DENND5B: variants seen among roughly 807,000 people sequenced by gnomAD.
DENND5B encodes the protein DENN domain containing 5B.
DENND5B carries 34 observed loss-of-function variants against 140.6 expected under a neutral mutation model. That is an observed-to-expected ratio of 0.24 (90% CI 0.18 to 0.32). The LOEUF (loss-of-function observed/expected upper bound fraction) is 0.32, where lower values mean the gene tolerates loss of function less well. DENND5B is among the 10% of genes least tolerant of loss of function. The pLI is 1.00. For synonymous variants in DENND5B, 551 were observed against 562.1 expected (o/e 0.98, Z 0.28); for missense variants, 1,142 against 1,560.2 (o/e 0.73, Z 4.52).
intron 17 of DENND5B, among the ~76,000 whole-genome samples, chr12:31,394,368 T>G (rs1394064476): frequency 1.3e-5 from 2 of 151,174 alleles, no homozygotes; most frequent in Non-Finnish European, 3.0e-5. Flanking sequence ...AAAGTACGAT[T>G]AAAAAAAAAT....
intron 3 of DENND5B, among the ~76,000 whole-genome samples, chr12:31,473,981 T>C (rs1424711347): frequency 2.6e-5 from 4 of 152,190 alleles, no homozygotes; most frequent in Non-Finnish European, 5.9e-5. Flanking sequence ...ACCAGCAAAG[T>C]ACTGTTTGGT....
chr12:31,404,656 A>T (rs1258031621), intron 14 of DENND5B, among the ~76,000 whole-genome samples: 4 of 149,326 alleles, frequency 2.7e-5, no homozygotes, highest in Non-Finnish European at 5.9e-5. Context: ...GTTTTGACAT[A>T]TTGGCCAGGC....
At chr12:31,533,396 T>C (rs977550008) in intron 1 of DENND5B, among the ~76,000 whole-genome samples, 1 of 152,222 alleles carries the variant, frequency 6.6e-6, no homozygotes, top group East Asian at 1.9e-4. Context: ...TTAAAACTTA[T>C]ACTTTATTTT....
At chr12:31,547,066 TTC>T (rs1333581235) in intron 1 of DENND5B, among the ~76,000 whole-genome samples, 4 of 152,348 alleles carry the variant, frequency 2.6e-5, no homozygotes, top group Admixed American at 1.3e-4. Context: ...CCTCTAGAGT[TTC>T]TCTGAGGTCA....
intron 1 of DENND5B, among the ~76,000 whole-genome samples, chr12:31,551,536 G>A (rs146467877): frequency 0.021 from 3,220 of 152,222 alleles, 58 homozygotes; most frequent in South Asian, 0.052. Context: ...GGATTGACTC[G>A]GCGATGCAGG....
intron 1 of DENND5B, among the ~76,000 whole-genome samples, chr12:31,560,250 T>C (rs1949427652): frequency 6.6e-6 from 1 of 152,186 alleles, no homozygotes; most frequent in Non-Finnish European, 1.5e-5. Flanking sequence ...CTCCAACCTA[T>C]GCAACCCATA....
At chr12:31,542,135 A>T (rs1948698548) in intron 1 of DENND5B, among the ~76,000 whole-genome samples, 1 of 152,090 alleles carries the variant, frequency 6.6e-6, no homozygotes, top group Non-Finnish European at 1.5e-5. Context: ...AAAATACAAA[A>T]AAATTAGCTG....
intron 19 of DENND5B, among the ~76,000 whole-genome samples, chr12:31,391,240 T>A (rs956661937): frequency 6.6e-6 from 1 of 152,170 alleles, no homozygotes; most frequent in Non-Finnish European, 1.5e-5. Flanking sequence ...ACTTCCGCCT[T>A]GGGGCTTAGC....
At chr12:31,555,615 C>T (rs1472185191) in intron 1 of DENND5B, among the ~76,000 whole-genome samples, 1 of 152,220 alleles carries the variant, frequency 6.6e-6, no homozygotes, top group Non-Finnish European at 1.5e-5. Flanking sequence ...GTAGAGGTTA[C>T]TGCTGTCTTT....
chr12:31,573,716 T>C (rs1285597703), intron 1 of DENND5B, among the ~76,000 whole-genome samples: 1 of 152,232 alleles, frequency 6.6e-6, no homozygotes, highest in Non-Finnish European at 1.5e-5. Context: ...ATTTGCTGGC[T>C]ATCCCTCTAC....
At chr12:31,451,311 A>T (rs1355940801) in intron 5 of DENND5B, among the ~76,000 whole-genome samples, 1 of 151,992 alleles carries the variant, frequency 6.6e-6, no homozygotes, top group African/African-American at 2.4e-5. Flanking sequence ...AAGAGTTTCT[A>T]TAAATTTTTA....
intron 3 of DENND5B, 98 bp downstream of exon 3, chr12:31,479,491 G>A (rs1945972231): frequency 8.6e-7 from 1 of 1,161,376 alleles, no homozygotes. Context: ...AAAAGACTGT[G>A]ATCATTATTC....
intron 20 of DENND5B, among the ~76,000 whole-genome samples, chr12:31,388,686 G>A (rs764210946): frequency 4.9e-4 from 74 of 152,110 alleles, no homozygotes; most frequent in Non-Finnish European, 8.5e-4. Context: ...TTACAATTCT[G>A]AGATCTGTTT....
intron 1 of DENND5B, among the ~76,000 whole-genome samples, chr12:31,574,523 G>A (rs768307570): frequency 7.9e-5 from 12 of 152,060 alleles, no homozygotes; most frequent in Non-Finnish European, 1.0e-4. Flanking sequence ...CTGGGAGGCG[G>A]AGGTTGCAGT....
At chr12:31,589,133 T>C (rs1461970456) in intron 1 of DENND5B, among the ~76,000 whole-genome samples, 1 of 152,230 alleles carries the variant, frequency 6.6e-6, no homozygotes, top group Non-Finnish European at 1.5e-5. Context: ...TCATTAGTCA[T>C]CACTGACAGA....
intron 1 of DENND5B, among the ~76,000 whole-genome samples, chr12:31,510,685 C>T (rs1947376928): frequency 1.3e-5 from 2 of 152,174 alleles, no homozygotes; most frequent in Admixed American, 1.3e-4. Context: ...CTCTCTTCTG[C>T]AGCAGCTGAG....
chr12:31,570,625 G>T, intron 1 of DENND5B, among the ~76,000 whole-genome samples: 1 of 150,948 alleles, frequency 6.6e-6, no homozygotes, highest in Non-Finnish European at 1.5e-5. Flanking sequence ...TTAGGAGTTT[G>T]GTTTCATTTA....
At chr12:31,539,634 T>C (rs1948621063) in intron 1 of DENND5B, among the ~76,000 whole-genome samples, 1 of 152,160 alleles carries the variant, frequency 6.6e-6, no homozygotes, top group South Asian at 2.1e-4. Context: ...AAAAACCATA[T>C]GATCATTTCA....
chr12:31,501,453 A>G (rs1273751230), intron 1 of DENND5B, among the ~76,000 whole-genome samples: 2 of 152,180 alleles, frequency 1.3e-5, no homozygotes, highest in Non-Finnish European at 1.5e-5. Flanking sequence ...ACAGACGAAT[A>G]CAAGAATATT....
Sources: allele counts gnomAD v4.1 joint callset (sites outside exome capture counted in the v4.1 genomes callset), GRCh38; gene constraint gnomAD v4.1.1; transcripts MANE v1.5; gene names NCBI Gene and HGNC (gene_info 2026-07-23, HGNC 2026-07-21).